Variants in PRH1 observed in about 807,000 individuals in gnomAD.
PRH1 encodes salivary acidic proline-rich phosphoprotein 1/2.
PRH1 carries 7 observed loss-of-function variants against 7.9 expected under a neutral mutation model. That is an observed-to-expected ratio of 0.89 (90% CI 0.50 to 1.67). The LOEUF (loss-of-function observed/expected upper bound fraction) is 1.67. PRH1 is among the 40% of genes most tolerant of loss of function. PRH1 has a pLI of 0.00. For synonymous variants in PRH1, 45 were observed against 80.8 expected, an observed-to-expected ratio of 0.56 and a Z score of 2.38; for missense variants, 109 against 223.6, an observed-to-expected ratio of 0.49 and a Z score of 3.27.
chr12:10,978,671 T>G (rs1296851336), intron 1 of PRH1, among the ~76,000 whole-genome samples: 4 of 152,174 alleles, frequency 2.6e-5, no homozygotes, highest in African/African-American at 7.2e-5. Context: ...TTTTGCTAAC[T>G]ATGCATCTGA....
rs532702138 is a variant in PRH1 at position 11,076,010 on chromosome 12, T to C, written n.124-28822A>G. Among the ~76,000 whole-genome samples, 36 of 120,486 alleles carry C rather than the reference T, an allele frequency of 3.0e-4. 8 individuals are homozygous for C. Among genetic ancestry groups the C allele is most frequent in the African/African-American group, 1.0e-3 (36 of 35,658 alleles). The allele number at this position is 120,486 out of a possible 152,430, so 79.0% of individuals were successfully genotyped here. A position where few individuals can be genotyped will look rare whatever the true frequency, so the allele number is the denominator to read the frequency against. On this transcript the variant is annotated intron_variant and non_coding_transcript_variant, in intron 1 of 4. Transcript: ENST00000541977. ...GGTGATTACATTGTACTAGGGAAGATGCATGATAAATAAAATGTGTGTGTA... is the reference window on the plus strand; with the variant it reads ...GGTGATTACATTGTACTAGGGAAGACGCATGATAAATAAAATGTGTGTGTA...
At chr12:11,038,231 C>T (rs1337627977) in intron 1 of PRH1, among the ~76,000 whole-genome samples, 2 of 152,104 alleles carry the variant, frequency 1.3e-5, no homozygotes, top group African/African-American at 2.4e-5. Context: ...TGGAGCATAA[C>T]ATACACATAG....
chr12:11,103,648 T>G (rs923377502), intron 1 of PRH1, among the ~76,000 whole-genome samples: 6 of 151,718 alleles, frequency 4.0e-5, no homozygotes, highest in African/African-American at 1.2e-4. Flanking sequence ...GTAACAAACC[T>G]GCACATTGTG....
intron 2 of PRH1, chr12:10,937,445 A>T (rs1161213301): frequency 6.6e-6 from 1 of 152,100 alleles, no homozygotes; most frequent in Non-Finnish European, 1.5e-5. Context: ...AATACTATAC[A>T]CAGGAAGATA....
At chr12:11,066,161 G>A (rs541107960) in intron 1 of PRH1, among the ~76,000 whole-genome samples, 2 of 150,628 alleles carry the variant, frequency 1.3e-5, no homozygotes, top group East Asian at 3.9e-4. Flanking sequence ...TGAATCTGGT[G>A]TTTCTAAAGA....
intron 2 of PRH1, chr12:10,938,850 G>C: frequency 6.2e-7 from 1 of 1,613,602 alleles, no homozygotes; most frequent in Non-Finnish European, 8.5e-7. Flanking sequence ...TTTAGGTAGA[G>C]AAAAATAGAG....
At chr12:11,118,041 C>T (rs1413068685), downstream of PRH1, among the ~76,000 whole-genome samples, 1 of 152,110 alleles carries the variant, frequency 6.6e-6, no homozygotes, top group Non-Finnish European at 1.5e-5. Context: ...CAAGTACAGG[C>T]AACCAAGTAA....
chr12:10,882,934 G>A (rs10845229), intron 2 of PRH1, 127 bp downstream of exon 2: 845,332 of 1,432,874 alleles, frequency 0.59, 254,842 homozygotes, highest in East Asian at 0.74. Context: ...AAAACTGTTT[G>A]TATCTTTGGG....
chr12:11,134,475 A>T, intron 1 of PRH1: 1 of 532,118 alleles, frequency 1.9e-6, no homozygotes, highest in Admixed American at 3.6e-5. Context: ...AAAACAATTC[A>T]AATTAACTGA....
At chr12:11,147,488 A>G (rs1281719135) in intron 1 of PRH1, among the ~76,000 whole-genome samples, 2 of 152,196 alleles carry the variant, frequency 1.3e-5, no homozygotes, top group Non-Finnish European at 2.9e-5. Flanking sequence ...ACACCTGGCC[A>G]AAGAATTTTT....
At chr12:10,904,288 C>G (rs528687601) in intron 2 of PRH1, among the ~76,000 whole-genome samples, 1 of 152,070 alleles carries the variant, frequency 6.6e-6, no homozygotes, top group Admixed American at 6.5e-5. Context: ...TACTATAAAG[C>G]TACAGTAACC....
At chr12:10,896,909 T>TA (rs1949655540) in intron 2 of PRH1, 1 of 152,186 alleles carries the variant, frequency 6.6e-6, no homozygotes, top group Non-Finnish European at 1.5e-5. Context: ...ATAAAAATGC[T>TA]ATAATAATTC....
intron 2 of PRH1, among the ~76,000 whole-genome samples, chr12:10,901,088 T>C (rs925013442): frequency 6.6e-6 from 1 of 152,194 alleles, no homozygotes; most frequent in Admixed American, 6.5e-5. Context: ...AAGCACCTGC[T>C]CACACAGACT....
At chr12:11,017,177 C>T (rs558485816) in intron 1 of PRH1, among the ~76,000 whole-genome samples, 1 of 152,374 alleles carries the variant, frequency 6.6e-6, no homozygotes, top group Admixed American at 6.5e-5. Context: ...AAACAATTGG[C>T]CTTTGTGTGG....
At chr12:10,973,169 A>C (rs1341025950) in intron 2 of PRH1, 1 of 152,072 alleles carries the variant, frequency 6.6e-6, no homozygotes, top group Non-Finnish European at 1.5e-5. Flanking sequence ...TTAATTAAAA[A>C]TATTAAGCAA....
chr12:10,932,434 T>G (rs751603868), intron 2 of PRH1: 1 of 174,628 alleles, frequency 5.7e-6, no homozygotes, highest in Non-Finnish European at 1.3e-5. Context: ...GCAAGCTTCT[T>G]TCCTCCTTAT....
chr12:10,979,148 G>A (rs1939238621), intron 1 of PRH1, among the ~76,000 whole-genome samples: 1 of 152,014 alleles, frequency 6.6e-6, no homozygotes, highest in African/African-American at 2.4e-5. Context: ...TACCTATCAG[G>A]TACTCTGCTT....
upstream of PRH1, among the ~76,000 whole-genome samples, chr12:10,888,697 T>A (rs1949528884): frequency 6.6e-6 from 1 of 152,218 alleles, no homozygotes; most frequent in African/African-American, 2.4e-5. Flanking sequence ...TAATTCTATT[T>A]TAGTTGATCC....
intron 2 of PRH1, among the ~76,000 whole-genome samples, chr12:10,950,986 T>G (rs949591289): frequency 3.3e-5 from 5 of 152,144 alleles, no homozygotes; most frequent in Admixed American, 6.5e-5. Context: ...GATTTCTGAA[T>G]GTGCAGTAAA....
Sources: allele counts gnomAD v4.1 joint callset (sites outside exome capture counted in the v4.1 genomes callset), GRCh38; gene constraint gnomAD v4.1.1; transcripts MANE v1.5; gene names NCBI Gene and HGNC (gene_info 2026-07-23, HGNC 2026-07-21).